The following ARL13B variants were observed in gnomAD, a reference collection of about 807,000 sequenced individuals.
The protein encoded by ARL13B is ADP-ribosylation factor-like protein 13B.
A neutral mutation model predicts 56.1 loss-of-function variants in ARL13B; 36 were observed. The ratio of observed to expected loss-of-function variants is 0.64; its 90% CI spans 0.49 to 0.85. ARL13B has a LOEUF of 0.85. ARL13B is among the 40% of genes least tolerant of loss of function. ARL13B has a pLI of 0.00. For missense variants in ARL13B, 519 were observed against 507.1 expected (o/e 1.02, Z -0.23); for synonymous variants, 178 against 171.1 (o/e 1.04, Z -0.32).
At chr3:93,986,244 G>T (rs1710454641) in intron 1 of ARL13B, among the ~76,000 whole-genome samples, 1 of 152,106 alleles carries the variant, frequency 6.6e-6, no homozygotes, top group Non-Finnish European at 1.5e-5. Context: ...TGGACACTAA[G>T]AATTTGACTT....
intron 9 of ARL13B, among the ~76,000 whole-genome samples, chr3:94,052,128 ATGT>A (rs2077076156): frequency 6.6e-6 from 1 of 152,126 alleles, no homozygotes; most frequent in Admixed American, 6.5e-5. Flanking sequence ...AATATTCACT[ATGT>A]TGTTAGAAAA....
intron 3 of ARL13B, among the ~76,000 whole-genome samples, chr3:94,031,253 G>GA (rs1347952614): frequency 6.6e-6 from 1 of 150,860 alleles, no homozygotes; most frequent in Admixed American, 6.6e-5. Context: ...GATTTGAAAT[G>GA]AAAAAATCAA....
chr3:94,027,758 T>TA (rs1308938903), intron 3 of ARL13B, among the ~76,000 whole-genome samples: 1 of 148,026 alleles, frequency 6.8e-6, no homozygotes, highest in African/African-American at 2.4e-5. Flanking sequence ...TGCTAACACT[T>TA]ACGTTAAATG....
chr3:94,026,046 GTCTC>G (rs1370149338), intron 3 of ARL13B, among the ~76,000 whole-genome samples: 2 of 147,372 alleles, frequency 1.4e-5, no homozygotes, highest in Admixed American at 6.8e-5. Context: ...TTGAGACGGA[GTCTC>G]TCTCTGTCGC....
At chr3:94,035,015 C>T (rs1467707605) in intron 3 of ARL13B, among the ~76,000 whole-genome samples, 1 of 152,034 alleles carries the variant, frequency 6.6e-6, no homozygotes, top group East Asian at 1.9e-4. Flanking sequence ...ACTGACAGAT[C>T]ACTTGAGGTC....
chr3:94,024,159 G>A (rs1006232229), intron 3 of ARL13B, among the ~76,000 whole-genome samples: 11 of 152,250 alleles, frequency 7.2e-5, no homozygotes, highest in African/African-American at 2.2e-4. Flanking sequence ...AATAGAGAAA[G>A]GATCTCGCTC....
At chr3:94,021,561 G>T (rs1402005045) in intron 3 of ARL13B, among the ~76,000 whole-genome samples, 4 of 152,154 alleles carry the variant, frequency 2.6e-5, no homozygotes, top group African/African-American at 9.7e-5. Context: ...AAACTATTGG[G>T]AAGTAATGTG....
intron 9 of ARL13B, 82 bp downstream of exon 9, chr3:94,050,974 T>TA: frequency 1.5e-6 from 2 of 1,350,118 alleles, no homozygotes; most frequent in East Asian, 2.3e-5. Context: ...TCAACAAACT[T>TA]ATGTTTTAGT....
At chr3:93,995,775 G>A (rs1397840360) in intron 1 of ARL13B, 99 bp from the exon 2 acceptor site, 15 of 1,068,106 alleles carry the variant, frequency 1.4e-5, no homozygotes, top group Non-Finnish European at 2.1e-5. Context: ...TGCTTAATAG[G>A]TGCTCCTTAA....
At chr3:94,014,813 C>T (rs1378198347) in intron 3 of ARL13B, 1 of 1,613,904 alleles carries the variant, frequency 6.2e-7, no homozygotes, top group African/African-American at 1.3e-5. Context: ...GCTATTGTGT[C>T]ATTGTATATA....
intron 7 of ARL13B, 59 bp downstream of exon 7, chr3:94,043,299 T>A (rs1273146624): frequency 3.6e-6 from 5 of 1,395,318 alleles, no homozygotes; most frequent in African/African-American, 1.5e-5. Flanking sequence ...AAACTTATAC[T>A]TCATCTCATT....
chr3:94,007,648 G>A (rs770863110), intron 3 of ARL13B, among the ~76,000 whole-genome samples: 1 of 151,988 alleles, frequency 6.6e-6, no homozygotes, highest in Non-Finnish European at 1.5e-5. Context: ...CAACAATATG[G>A]GGGAAACTGC....
intron 7 of ARL13B, among the ~76,000 whole-genome samples, 198 bp from the exon 8 acceptor site, chr3:94,049,208 C>T (rs779618021): frequency 2.0e-4 from 31 of 152,110 alleles, no homozygotes; most frequent in Non-Finnish European, 3.7e-4. Flanking sequence ...CTCATTCATT[C>T]ATTCAATAAG....
chr3:94,029,822 G>A (rs921568493), intron 3 of ARL13B, among the ~76,000 whole-genome samples: 1 of 152,096 alleles, frequency 6.6e-6, no homozygotes, highest in African/African-American at 2.4e-5. Context: ...ATTCAAAGGG[G>A]AGCATTTTGC....
intron 9 of ARL13B, among the ~76,000 whole-genome samples, chr3:94,051,598 C>T (rs2077068552): frequency 6.6e-6 from 1 of 151,996 alleles, no homozygotes; most frequent in African/African-American, 2.4e-5. Context: ...GTCTAGGTCC[C>T]TTCAGTAAAA....
At chr3:94,000,848 G>A (rs765611019) in intron 2 of ARL13B, among the ~76,000 whole-genome samples, 1 of 152,128 alleles carries the variant, frequency 6.6e-6, no homozygotes, top group Non-Finnish European at 1.5e-5. Context: ...CTCAATTGGA[G>A]ACCATGTATC....
At chr3:94,041,525 A>T (rs552249518) in intron 6 of ARL13B, among the ~76,000 whole-genome samples, 161 of 152,286 alleles carry the variant, frequency 1.1e-3, no homozygotes, top group African/African-American at 3.8e-3. Flanking sequence ...GCAAGCCACA[A>T]ATCATAAAGG....
chr3:93,996,068 T>C (rs563551077), intron 2 of ARL13B, 124 bp downstream of exon 2: 277 of 975,900 alleles, frequency 2.8e-4, no homozygotes, highest in Non-Finnish European at 4.1e-4. Context: ...TACTTTATAT[T>C]CTTAGTATAT....
intron 3 of ARL13B, among the ~76,000 whole-genome samples, chr3:94,020,481 CAT>C (rs2076424337): frequency 2.0e-5 from 3 of 152,036 alleles, no homozygotes; most frequent in Admixed American, 1.3e-4. Context: ...TTCACTATGA[CAT>C]AGCATAGCTT....
Sources: gnomAD v4.1 joint callset for allele counts (sites outside exome capture counted in the v4.1 genomes callset) on GRCh38, gnomAD v4.1.1 for gene constraint, MANE v1.5 for transcripts, NCBI Gene and HGNC (gene_info 2026-07-23, HGNC 2026-07-21) for gene names.